Variants in MTNR1A observed in about 807,000 individuals in gnomAD.
The protein encoded by MTNR1A is melatonin receptor 1A.
A neutral mutation model predicts 5.5 loss-of-function variants in MTNR1A; 7 were observed. The observed-to-expected ratio is 1.28, with a 90% CI of 0.73 to 2.40. The LOEUF is 2.40. Among genes scored for constraint, MTNR1A ranks in the 30% most tolerant of loss-of-function variants. The pLI is 0.00. For synonymous variants in MTNR1A, 196 were observed against 202.7 expected (o/e 0.97, Z 0.28); for missense variants, 441 against 464.4 (o/e 0.95, Z 0.46).
chr4:186,555,354 G>A lies in MTNR1A; in HGVS notation c.12C>T (p.Asn4=), dbSNP rs1233680090. The A allele has an allele frequency of 3.9e-6, 6 of 1,539,048 alleles. No homozygotes were observed. In the African/African-American group the frequency reaches 4.1e-5, roughly 11 times the overall value. The change falls in exon 1 of 2, where the codon AAC becomes AAT. Residue 4 remains asparagine, a synonymous_variant. Transcript: ENST00000307161. This position sits in a 1 kb window ranked among gnomAD's most constrained non-coding sequence, Gnocchi z 4.1. ...GGGAGGCGTTGGGCAGCGCGCTGCC[G>A]TTGCCCTGCATGGTCCCTGTGCGCG... MQG[N]GSALPNASQP...
At chr4:186,537,855 T>C (rs978121032) in intron 1 of MTNR1A, among the ~76,000 whole-genome samples, 2 of 152,224 alleles carry the variant, frequency 1.3e-5, no homozygotes, top group East Asian at 3.8e-4. Context: ...AACTAGAACA[T>C]TCTAAAGAGA....
At position 186,555,109 on chromosome 4, in the gene MTNR1A, G is replaced by C. The variant is rs1737342854; in HGVS notation, c.184+73C>G. ...GTTTAGGAAAAAGAACCAAGTGCTT[G>C]GGGAAGGCTGGCTGCCCGCGGAGAG... On this transcript the variant is annotated intron_variant, in intron 1 of 1. Coordinates refer to ENST00000307161, the MANE Select transcript of MTNR1A (RefSeq NM_005958.4). This position sits in a 1 kb window ranked among gnomAD's most constrained non-coding sequence, Gnocchi z 4.1. 7 of 1,458,598 alleles carry C rather than the reference G, an allele frequency of 4.8e-6. No homozygotes were observed. The highest frequency in any genetic ancestry group is 6.6e-6 in the Non-Finnish European group (7 of 1,063,656). The allele number at this position is 1,458,598 out of a possible 1,614,324, so 90.4% of individuals were successfully genotyped here. A position where few individuals can be genotyped will look rare whatever the true frequency, so the allele number is the denominator to read the frequency against.
At chr4:186,554,273 G>C (rs1579258105) in intron 1 of MTNR1A, among the ~76,000 whole-genome samples, 1 of 152,138 alleles carries the variant, frequency 6.6e-6, no homozygotes, top group Non-Finnish European at 1.5e-5. Flanking sequence ...CTCCCCAAAA[G>C]GAGCTAAGCA....
intron 1 of MTNR1A, among the ~76,000 whole-genome samples, chr4:186,539,592 G>A (rs927902082): frequency 6.6e-6 from 1 of 152,170 alleles, no homozygotes; most frequent in Non-Finnish European, 1.5e-5. Context: ...TATAAAAGAG[G>A]TGCCAGGGAG....
rs1208588217 is a variant in MTNR1A, at chr4:186,555,258, G to A, written c.108C>T (p.Phe36=). Residue 36 remains phenylalanine, a synonymous_variant, in exon 1 of 2, where the codon TTC becomes TTT. Transcript: ENST00000307161. The surrounding 1 kb of genome is among the most constrained non-coding windows in gnomAD (Gnocchi z 4.1). ...LASALACVLI[F]TIVVDILGNL... ...TGCCCAGGATGTCCACCACGATGGT[G>A]AAGATGAGGACGCAGGCCAGGGCGG... 6.4e-7 allele frequency: 1 copy of A among 1,566,780 alleles called. No individual in the cohort carries two copies.
At chr4:186,547,477 C>T (rs1737179239) in intron 1 of MTNR1A, among the ~76,000 whole-genome samples, 1 of 152,240 alleles carries the variant, frequency 6.6e-6, no homozygotes, top group African/African-American at 2.4e-5. Flanking sequence ...ACCCATCACA[C>T]CCTGTTCCTG....
intron 1 of MTNR1A, among the ~76,000 whole-genome samples, chr4:186,536,751 TA>T (rs1158410031): frequency 6.6e-6 from 1 of 152,236 alleles, no homozygotes; most frequent in Non-Finnish European, 1.5e-5. Flanking sequence ...GCAAATACTT[TA>T]AAAATTGGTT....
intron 1 of MTNR1A, among the ~76,000 whole-genome samples, chr4:186,553,087 G>C (rs561333627): frequency 1.3e-5 from 2 of 152,320 alleles, no homozygotes; most frequent in Admixed American, 6.5e-5. Flanking sequence ...ATGGTTCAAA[G>C]CCTAGATGCC....
At chr4:186,547,691 T>C (rs1459556151) in intron 1 of MTNR1A, among the ~76,000 whole-genome samples, 1 of 152,220 alleles carries the variant, frequency 6.6e-6, no homozygotes. Flanking sequence ...AGAAAACTAG[T>C]AGACCTTGGC....
At position 186,534,246 on chromosome 4, in the gene MTNR1A, C is replaced by G. The variant is rs1433826150; in HGVS notation, c.496G>C (p.Gly166Arg). The G allele has an allele frequency of 6.2e-7, 1 of 1,614,074 alleles. No homozygotes were observed. Among genetic ancestry groups the G allele is most frequent in the East Asian group, 2.2e-5 (1 of 44,870 alleles). Reference protein sequence around the residue: ...LAAVLPNLRAGTLQYDPRIYS... With the variant: ...LAAVLPNLRARTLQYDPRIYS... ...ATCCTCGGGTCGTACTGGAGAGTCC[C>G]TGCACGGAGGTTGGGCAGGACGGCC... Residue 166 changes from glycine (G) to arginine (R), a missense_variant, in exon 2 of 2, where the codon GGG (glycine) becomes CGG (arginine). Coordinates refer to ENST00000307161, the MANE Select transcript of MTNR1A (RefSeq NM_005958.4).
chr4:186,549,516 T>C (rs1024113346), intron 1 of MTNR1A, among the ~76,000 whole-genome samples: 7 of 152,182 alleles, frequency 4.6e-5, no homozygotes, highest in African/African-American at 1.7e-4. Context: ...AGTTATTACA[T>C]TGTTCTCTCC....
chr4:186,546,349 G>A (rs115082560), intron 1 of MTNR1A, among the ~76,000 whole-genome samples: 4,526 of 151,048 alleles, frequency 0.03, 154 homozygotes, highest in African/African-American at 0.083. Flanking sequence ...TCCTGCCGTC[G>A]GCCTCACTGC....
intron 1 of MTNR1A, among the ~76,000 whole-genome samples, chr4:186,544,704 C>T (rs1488324459): frequency 2.6e-5 from 4 of 152,304 alleles, no homozygotes; most frequent in East Asian, 3.9e-4. Flanking sequence ...ATTAACCCTG[C>T]GGACACTTTC....
At chr4:186,543,821 A>G (rs1224540296) in intron 1 of MTNR1A, among the ~76,000 whole-genome samples, 1 of 152,192 alleles carries the variant, frequency 6.6e-6, no homozygotes, top group African/African-American at 2.4e-5. Flanking sequence ...GAAGTTAAAT[A>G]TGGTTAAAAG....
chr4:186,547,093 C>CACA (rs1491465221), intron 1 of MTNR1A, among the ~76,000 whole-genome samples: 449 of 16,480 alleles, frequency 0.027, 146 homozygotes, highest in Middle Eastern at 0.062. Context: ...ACACACCGTC[C>CACA]TCACACCCTG....
chr4:186,553,106 G>A (rs993724718), intron 1 of MTNR1A, among the ~76,000 whole-genome samples: 1 of 152,178 alleles, frequency 6.6e-6, no homozygotes, highest in African/African-American at 2.4e-5. Flanking sequence ...CCTTCACATT[G>A]TCATTTCTTC....
chr4:186,538,781 A>T (rs1002020162), intron 1 of MTNR1A, among the ~76,000 whole-genome samples: 1 of 152,194 alleles, frequency 6.6e-6, no homozygotes, highest in Admixed American at 6.5e-5. Flanking sequence ...ACCAAGGAGA[A>T]CCTTCAGGAT....
intron 1 of MTNR1A, among the ~76,000 whole-genome samples, chr4:186,538,271 T>G (rs918824320): frequency 3.9e-5 from 6 of 152,138 alleles, no homozygotes; most frequent in African/African-American, 1.4e-4. Context: ...CGATGCACAG[T>G]GGGTTTATAT....
At chr4:186,542,443 A>G (rs1405855039) in intron 1 of MTNR1A, among the ~76,000 whole-genome samples, 3 of 152,120 alleles carry the variant, frequency 2.0e-5, no homozygotes, top group Non-Finnish European at 4.4e-5. Context: ...GAAGTATAGC[A>G]ATGGGGCCAT....
Sources: allele counts gnomAD v4.1 joint callset (sites outside exome capture counted in the v4.1 genomes callset), GRCh38; gene constraint gnomAD v4.1.1; non-coding constraint Gnocchi (gnomAD v3.1); transcripts MANE v1.5; gene names NCBI Gene and HGNC (gene_info 2026-07-23, HGNC 2026-07-21).